Variants in DTNBP1 observed in about 807,000 individuals in gnomAD.
DTNBP1 encodes the protein dystrobrevin binding protein 1.
DTNBP1 carries 35 observed loss-of-function variants against 42.8 expected under a neutral mutation model. The ratio of observed to expected loss-of-function variants is 0.82; its 90% CI spans 0.63 to 1.09. DTNBP1 has a LOEUF of 1.09. DTNBP1 is among the 50% of genes least tolerant of loss of function. The pLI, the probability that DTNBP1 is intolerant of heterozygous loss-of-function variation, is 0.00. For missense variants in DTNBP1, 457 were observed against 424.2 expected (o/e 1.08, Z -0.68); for synonymous variants, 171 against 162.2 (o/e 1.05, Z -0.41).
At chr6:15,609,991 T>A (rs192834067) in intron 6 of DTNBP1, among the ~76,000 whole-genome samples, 9 of 152,178 alleles carry the variant, frequency 5.9e-5, no homozygotes, top group Admixed American at 3.9e-4. Flanking sequence ...TGGGACCTAC[T>A]GGGGAAAAGG....
intron 7 of DTNBP1, among the ~76,000 whole-genome samples, chr6:15,557,046 T>C (rs1018035673): frequency 2.6e-5 from 4 of 152,186 alleles, no homozygotes; most frequent in African/African-American, 7.2e-5. Context: ...GAAAGCATCA[T>C]ACCTTGTCTG....
chr6:15,623,816 G>A (rs1460168777), intron 5 of DTNBP1, among the ~76,000 whole-genome samples: 2 of 152,142 alleles, frequency 1.3e-5, no homozygotes, highest in African/African-American at 4.8e-5. Context: ...ATAAGAAAGT[G>A]CATAGAATCT....
chr6:15,531,403 G>A (rs560643888), intron 8 of DTNBP1, among the ~76,000 whole-genome samples: 3 of 152,232 alleles, frequency 2.0e-5, no homozygotes, highest in South Asian at 2.1e-4. Flanking sequence ...ACGTATGCTC[G>A]GAGGAAACGC....
intron 7 of DTNBP1, among the ~76,000 whole-genome samples, chr6:15,581,050 C>T (rs138091755): frequency 2.2e-4 from 34 of 152,248 alleles, no homozygotes; most frequent in Non-Finnish European, 1.2e-4. Context: ...CAACACACCA[C>T]GTAAACACCT....
At chr6:15,640,422 A>G (rs1467376298) in intron 3 of DTNBP1, among the ~76,000 whole-genome samples, 1 of 152,220 alleles carries the variant, frequency 6.6e-6, no homozygotes, top group Non-Finnish European at 1.5e-5. Context: ...GATGAAATGA[A>G]GAAGCCACAT....
At chr6:15,530,978 C>A (rs549086184) in intron 8 of DTNBP1, among the ~76,000 whole-genome samples, 1 of 152,170 alleles carries the variant, frequency 6.6e-6, no homozygotes, top group East Asian at 1.9e-4. Context: ...GGAGCTGGGG[C>A]CTTTGGGAGG....
At chr6:15,629,238 G>T (rs1170483679) in intron 4 of DTNBP1, among the ~76,000 whole-genome samples, 1 of 152,004 alleles carries the variant, frequency 6.6e-6, no homozygotes, top group Admixed American at 6.5e-5. Context: ...AAGATGTAAT[G>T]ATTCCTGCCC....
chr6:15,575,785 T>C (rs564355638), intron 7 of DTNBP1, among the ~76,000 whole-genome samples: 1 of 152,276 alleles, frequency 6.6e-6, no homozygotes, highest in East Asian at 1.9e-4. Context: ...CTCATGAGCT[T>C]TTGAGGGGGA....
At chr6:15,548,438 G>GACACACAGAC in intron 7 of DTNBP1, 1 of 136,710 alleles carries the variant, frequency 7.3e-6, no homozygotes, top group African/African-American at 2.8e-5. Flanking sequence ...AACACACACA[G>GACACACAGAC]ACACACACAC....
At chr6:15,636,517 TC>T (rs1760033513) in intron 4 of DTNBP1, among the ~76,000 whole-genome samples, 7 of 152,270 alleles carry the variant, frequency 4.6e-5, no homozygotes, top group Admixed American at 4.6e-4. Context: ...AACCCCATAC[TC>T]CTATGAGGCC....
At chr6:15,530,342 A>C (rs2127794061) in intron 8 of DTNBP1, among the ~76,000 whole-genome samples, 1 of 152,340 alleles carries the variant, frequency 6.6e-6, no homozygotes, top group South Asian at 2.1e-4. Flanking sequence ...AAAGCTAAAA[A>C]GCCCAGGGCC....
intron 1 of DTNBP1, among the ~76,000 whole-genome samples, chr6:15,656,584 C>T (rs1028734122): frequency 1.3e-5 from 2 of 151,990 alleles, no homozygotes; most frequent in African/African-American, 4.8e-5. Context: ...ACCCTGTCTT[C>T]CAAATATACA....
Position 15,557,648 on chromosome 6 carries a change from T to C in DTNBP1, c.512-24253A>G, listed in dbSNP as rs530640963. Reference sequence around the variant, plus strand: ...ATCTGGCCCATGAAGAAGAATTTCATGTAATATTAAAAGACAATGAAAGAT... The same window carrying C: ...ATCTGGCCCATGAAGAAGAATTTCACGTAATATTAAAAGACAATGAAAGAT... On this transcript the variant is annotated intron_variant, in intron 7 of 9. Coordinates refer to ENST00000344537, the MANE Select transcript of DTNBP1 (RefSeq NM_032122.5). 2.0e-5 allele frequency among the ~76,000 whole-genome samples: 3 copies of C among 152,258 alleles called. No homozygotes were observed. In the South Asian group the frequency reaches 6.2e-4, roughly 32 times the overall value.
At chr6:15,580,682 T>A (rs2113571709) in intron 7 of DTNBP1, among the ~76,000 whole-genome samples, 1 of 152,358 alleles carries the variant, frequency 6.6e-6, no homozygotes, top group East Asian at 1.9e-4. Context: ...GACTAGTGAT[T>A]CAATTTTTTT....
At chr6:15,617,674 G>T (rs1237813736) in intron 5 of DTNBP1, among the ~76,000 whole-genome samples, 3 of 151,914 alleles carry the variant, frequency 2.0e-5, no homozygotes, top group Non-Finnish European at 4.4e-5. Context: ...ATATCCATAT[G>T]CAGAAGAATG....
chr6:15,556,531 G>A (rs1308451205), intron 7 of DTNBP1, among the ~76,000 whole-genome samples: 1 of 152,178 alleles, frequency 6.6e-6, no homozygotes, highest in Non-Finnish European at 1.5e-5. Flanking sequence ...GGCTGTGGGT[G>A]ACAGAATTGG....
At chr6:15,648,550 T>C (rs865871206) in intron 3 of DTNBP1, among the ~76,000 whole-genome samples, 4 of 152,064 alleles carry the variant, frequency 2.6e-5, no homozygotes, top group African/African-American at 7.2e-5. Flanking sequence ...CAGCAAAGTA[T>C]GATATTAAAT....
intron 7 of DTNBP1, among the ~76,000 whole-genome samples, chr6:15,573,874 T>C (rs9464801): frequency 2.6e-5 from 4 of 151,916 alleles, no homozygotes; most frequent in Non-Finnish European, 5.9e-5. Context: ...GCCTGGCTAA[T>C]TGTTGTATTT....
Position 15,524,592 on chromosome 6 carries a change from G to A in DTNBP1, c.745C>T (p.Gln249Ter), listed in dbSNP as rs1581690915. The A allele has an allele frequency of 6.2e-7, 1 of 1,613,508 alleles. No homozygotes were observed. The highest frequency in any genetic ancestry group is 8.5e-7 in the Non-Finnish European group (1 of 1,179,762). Residue 249 changes from glutamine (Q) to a stop codon, truncating the protein, a stop_gained, in exon 9 of 10, where the codon CAG becomes TAG. Coordinates refer to ENST00000344537, the MANE Select transcript of DTNBP1 (RefSeq NM_032122.5). LOFTEE classifies it high-confidence loss of function. Reference protein sequence around the residue: ...EQMDLMDISDQEALDVFLNSG... With the variant: ...EQMDLMDISD ...TTCAGGAAGACGTCCAGGGCCTCCT[G>A]GTCCGATATGTCCATCAGGTCCATC...
Sources: allele counts gnomAD v4.1 joint callset (sites outside exome capture counted in the v4.1 genomes callset), GRCh38; gene constraint gnomAD v4.1.1; transcripts MANE v1.5; gene names NCBI Gene and HGNC (gene_info 2026-07-23, HGNC 2026-07-21).